LRRTM4: variants seen among roughly 807,000 people sequenced by gnomAD.
LRRTM4 encodes the protein leucine-rich repeat transmembrane neuronal protein 4.
Under a neutral mutation model 47.6 loss-of-function variants are expected in LRRTM4, and 25 were observed. That is an observed-to-expected ratio of 0.53 (90% CI 0.38 to 0.73). The LOEUF (loss-of-function observed/expected upper bound fraction) is 0.73, where lower values mean the gene tolerates loss of function less well. Ranked by LOEUF, LRRTM4 falls within the 30% of genes least tolerant of loss-of-function variation. LRRTM4 has a pLI of 0.00. For synonymous variants in LRRTM4, 311 were observed against 269.5 expected (o/e 1.15, Z -1.51); for missense variants, 638 against 713.4 (o/e 0.89, Z 1.20).
intron 3 of LRRTM4, among the ~76,000 whole-genome samples, chr2:77,150,797 T>C (rs2103784094): frequency 6.6e-6 from 1 of 152,152 alleles, no homozygotes; most frequent in East Asian, 1.9e-4. Context: ...AAAATAATAT[T>C]GCTAATGCCC....
chr2:76,910,117 C>T (rs1037238948), intron 3 of LRRTM4, among the ~76,000 whole-genome samples: 2 of 152,014 alleles, frequency 1.3e-5, no homozygotes, highest in African/African-American at 2.4e-5. Context: ...CAATGATAGA[C>T]TGGATTAAGA....
intron 3 of LRRTM4, among the ~76,000 whole-genome samples, chr2:77,304,225 C>T (rs912137864): frequency 6.6e-6 from 1 of 152,140 alleles, no homozygotes; most frequent in African/African-American, 2.4e-5. Context: ...TGTTCATATA[C>T]ATGTTGGCCA....
At chr2:77,120,024 A>G (rs1053646973) in intron 3 of LRRTM4, among the ~76,000 whole-genome samples, 1 of 151,878 alleles carries the variant, frequency 6.6e-6, no homozygotes, top group Non-Finnish European at 1.5e-5. Context: ...GGTTGGGCAG[A>G]TCTCTAGGAT....
At chr2:77,469,199 T>A (rs745899117) in intron 3 of LRRTM4, among the ~76,000 whole-genome samples, 3 of 152,230 alleles carry the variant, frequency 2.0e-5, no homozygotes, top group African/African-American at 7.2e-5. Context: ...CAGACTGCAG[T>A]GGTGATCTCT....
At chr2:77,243,352 G>A (rs1675324392) in intron 3 of LRRTM4, among the ~76,000 whole-genome samples, 1 of 151,098 alleles carries the variant, frequency 6.6e-6, no homozygotes, top group African/African-American at 2.4e-5. Flanking sequence ...GGAGGTTGCG[G>A]TGAGCCGAGA....
chr2:77,049,003 G>A (rs2103764278), intron 3 of LRRTM4, among the ~76,000 whole-genome samples: 1 of 150,850 alleles, frequency 6.6e-6, no homozygotes, highest in Non-Finnish European at 1.5e-5. Context: ...CCACATACTA[G>A]TGAGAAAATA....
rs184155691 is a variant in LRRTM4, at chr2:77,343,436, C to T, written c.1551+174882G>A. ...GGATTTTATTTTATGTATATTAACT[C>T]TTGAAGACTAGTTGCTCTGAACTAG... is the stretch of plus-strand genomic sequence containing the variant. On this transcript the variant is annotated intron_variant, in intron 3 of 3. Coordinates refer to ENST00000409884, the MANE Select transcript of LRRTM4 (RefSeq NM_001134745.3). 5.8e-3 allele frequency among the ~76,000 whole-genome samples: 885 copies of T among 151,982 alleles called. 9 individuals are homozygous for T. The highest frequency in any genetic ancestry group is 7.4e-3 in the Non-Finnish European group (505 of 67,872).
chr2:77,133,848 A>C (rs2028347), intron 3 of LRRTM4, among the ~76,000 whole-genome samples: 1 of 152,022 alleles, frequency 6.6e-6, no homozygotes, highest in Non-Finnish European at 1.5e-5. Context: ...GTGACTAAAC[A>C]AAATTTGTGA....
At chr2:76,764,719 TGAA>T (rs968722925) in intron 3 of LRRTM4, among the ~76,000 whole-genome samples, 3 of 152,278 alleles carry the variant, frequency 2.0e-5, no homozygotes, top group Admixed American at 2.0e-4. Context: ...TGGGAAAGAA[TGAA>T]GAAGACTGCT....
At chr2:76,759,943 G>T (rs552749341) in intron 3 of LRRTM4, among the ~76,000 whole-genome samples, 2 of 152,130 alleles carry the variant, frequency 1.3e-5, no homozygotes, top group African/African-American at 4.8e-5. Context: ...TATTCTTAAT[G>T]ATGCTCATGT....
chr2:77,326,723 G>A (rs1009322149), intron 3 of LRRTM4, among the ~76,000 whole-genome samples: 3 of 152,032 alleles, frequency 2.0e-5, no homozygotes, highest in Non-Finnish European at 2.9e-5. Flanking sequence ...TAGTCAAAAC[G>A]GATTACTCCT....
At chr2:76,898,092 G>A (rs1929458) in intron 3 of LRRTM4, among the ~76,000 whole-genome samples, 43,024 of 152,038 alleles carry the variant, frequency 0.28, 6,785 homozygotes, top group African/African-American at 0.42. Flanking sequence ...GCACAAGTGA[G>A]TGGTAAGCCA....
intron 3 of LRRTM4, among the ~76,000 whole-genome samples, chr2:77,514,691 A>G (rs936467786): frequency 1.3e-5 from 2 of 152,006 alleles, no homozygotes; most frequent in South Asian, 2.1e-4. Context: ...TAGAGACTAC[A>G]TTCATTCATT....
intron 3 of LRRTM4, among the ~76,000 whole-genome samples, chr2:77,035,842 A>G (rs1678818816): frequency 6.6e-6 from 1 of 151,812 alleles, no homozygotes; most frequent in South Asian, 2.1e-4. Flanking sequence ...AATACGTACC[A>G]CAATGGCATC....
intron 3 of LRRTM4, among the ~76,000 whole-genome samples, chr2:77,258,187 C>T (rs887983296): frequency 2.6e-5 from 4 of 151,182 alleles, no homozygotes; most frequent in East Asian, 1.9e-4. Flanking sequence ...GTAAAAATAG[C>T]GACACCACCA....
intron 3 of LRRTM4, among the ~76,000 whole-genome samples, chr2:77,451,175 C>A (rs989206419): frequency 6.6e-6 from 1 of 152,032 alleles, no homozygotes; most frequent in African/African-American, 2.4e-5. Context: ...ATTTGATCAC[C>A]CCCATCCCAA....
At chr2:77,126,747 G>T (rs961640223) in intron 3 of LRRTM4, among the ~76,000 whole-genome samples, 2 of 152,170 alleles carry the variant, frequency 1.3e-5, no homozygotes, top group Non-Finnish European at 2.9e-5. Flanking sequence ...GAAACACCTG[G>T]AAGTGGAAGA....
intron 3 of LRRTM4, among the ~76,000 whole-genome samples, chr2:76,995,813 G>A (rs1218274944): frequency 6.6e-6 from 1 of 151,868 alleles, no homozygotes; most frequent in African/African-American, 2.4e-5. Context: ...GACACACATG[G>A]GTGAACATGG....
intron 3 of LRRTM4, among the ~76,000 whole-genome samples, chr2:77,269,994 T>C (rs771946049): frequency 2.0e-5 from 3 of 152,192 alleles, no homozygotes; most frequent in Non-Finnish European, 4.4e-5. Context: ...GTTTTTTGAT[T>C]GCTGAAAGAC....
Sources: allele counts gnomAD v4.1 joint callset (sites outside exome capture counted in the v4.1 genomes callset), GRCh38; gene constraint gnomAD v4.1.1; transcripts MANE v1.5; gene names NCBI Gene and HGNC (gene_info 2026-07-23, HGNC 2026-07-21).